MAP4K4: variants seen among roughly 807,000 people sequenced by gnomAD.
The protein encoded by MAP4K4 is mitogen-activated protein kinase kinase kinase kinase 4.
MAP4K4 carries 38 observed loss-of-function variants against 189.6 expected under a neutral mutation model. That is an observed-to-expected ratio of 0.20 (90% CI 0.15 to 0.26). The LOEUF (loss-of-function observed/expected upper bound fraction) is 0.26. Among genes scored for constraint, MAP4K4 ranks in the 10% least tolerant of loss-of-function variants. The probability of loss-of-function intolerance (pLI) is 1.00; values close to 1 mark genes in which losing one functional copy is unlikely to be tolerated. For missense variants in MAP4K4, 1,054 were observed against 1,726.9 expected (o/e 0.61, Z 6.91); for synonymous variants, 610 against 624.3 (o/e 0.98, Z 0.34).
intron 14 of MAP4K4, among the ~76,000 whole-genome samples, chr2:101,859,377 T>G (rs6543099): frequency 6.6e-6 from 1 of 152,212 alleles, no homozygotes; most frequent in African/African-American, 2.4e-5. Context: ...AAAGCACATG[T>G]CACAGGATTT....
At chr2:101,850,116 A>G (rs1020652585) in intron 12 of MAP4K4, among the ~76,000 whole-genome samples, 1 of 152,166 alleles carries the variant, frequency 6.6e-6, no homozygotes, top group East Asian at 1.9e-4. Context: ...AACTAAGGGT[A>G]AATGTTAGTG....
intron 2 of MAP4K4, among the ~76,000 whole-genome samples, chr2:101,764,146 A>T (rs1019456681): frequency 6.7e-6 from 1 of 148,810 alleles, no homozygotes; most frequent in Admixed American, 6.6e-5. Flanking sequence ...AAACACCGAG[A>T]TGCTAAAAAA....
intron 2 of MAP4K4, among the ~76,000 whole-genome samples, chr2:101,780,109 T>C (rs1340177270): frequency 6.6e-6 from 1 of 152,204 alleles, no homozygotes; most frequent in Non-Finnish European, 1.5e-5. Context: ...TATACGTAGG[T>C]TCACGGGCAG....
chr2:101,851,269 T>C (rs138569025), intron 12 of MAP4K4, among the ~76,000 whole-genome samples: 9 of 152,214 alleles, frequency 5.9e-5, no homozygotes, highest in Non-Finnish European at 1.2e-4. Context: ...TTCTGTCTGT[T>C]TGATTTTATT....
chr2:101,753,330 G>A (rs547736958), intron 2 of MAP4K4, among the ~76,000 whole-genome samples: 3 of 152,192 alleles, frequency 2.0e-5, no homozygotes, highest in Non-Finnish European at 4.4e-5. Flanking sequence ...CTTTTCCCTT[G>A]CCTACCCCAT....
At chr2:101,891,933 G>A (rs141366393) in exon 33 of MAP4K4, 1 of 113,662 alleles carries the variant, frequency 8.8e-6, no homozygotes, top group East Asian at 2.9e-4. Flanking sequence ...TCCTGGCCAA[G>A]AACTCAGTCA....
chr2:101,794,244 C>A (rs2093389253), intron 3 of MAP4K4, among the ~76,000 whole-genome samples: 2 of 152,074 alleles, frequency 1.3e-5, no homozygotes, highest in Non-Finnish European at 2.9e-5. Context: ...ATAGGGAGGT[C>A]TCATGTACCG....
At chr2:101,853,227 C>G (rs763315224) in intron 12 of MAP4K4, among the ~76,000 whole-genome samples, 5 of 152,066 alleles carry the variant, frequency 3.3e-5, no homozygotes, top group Admixed American at 6.6e-5. Context: ...GCCAAGATTA[C>G]CAGACACTGA....
chr2:101,732,280 C>G (rs2058771212), intron 2 of MAP4K4, among the ~76,000 whole-genome samples: 1 of 152,112 alleles, frequency 6.6e-6, no homozygotes, highest in African/African-American at 2.4e-5. Flanking sequence ...CCTTTGAGAA[C>G]TGATTACCCC....
chr2:101,718,922 A>G (rs891871950), intron 2 of MAP4K4, among the ~76,000 whole-genome samples: 7 of 152,198 alleles, frequency 4.6e-5, no homozygotes, highest in African/African-American at 1.7e-4. Flanking sequence ...AGTTCACTGG[A>G]ACACAGCTGC....
intron 11 of MAP4K4, 37 bp from the exon 12 acceptor site, chr2:101,844,064 C>A: frequency 2.1e-6 from 3 of 1,448,718 alleles, no homozygotes; most frequent in South Asian, 2.4e-5. Context: ...ACAGTGTGAT[C>A]GGTGCACACC....
chr2:101,725,090 A>G (rs1490237408), intron 2 of MAP4K4, among the ~76,000 whole-genome samples: 2 of 152,226 alleles, frequency 1.3e-5, no homozygotes, highest in Non-Finnish European at 2.9e-5. Context: ...TGTTTCTCAC[A>G]TGGATGACAT....
chr2:101,806,049 C>T (rs1559007311), intron 3 of MAP4K4, among the ~76,000 whole-genome samples: 1 of 152,148 alleles, frequency 6.6e-6, no homozygotes. Context: ...CGTTCTTGCC[C>T]CACCCCACCC....
chr2:101,756,241 G>A lies in MAP4K4; in HGVS notation c.124-34479G>A, dbSNP rs1017067219. 2.6e-5 allele frequency among the ~76,000 whole-genome samples: 4 copies of A among 152,034 alleles called. No homozygotes were observed. The East Asian group carries it at 7.7e-4, about 29-fold the overall frequency. Reference sequence around the variant, plus strand: ...TTAACAGGCGTGAGCCACTGTGCCCGGCTGACACCTTGATCTTAATGAAGT... The same window carrying A: ...TTAACAGGCGTGAGCCACTGTGCCCAGCTGACACCTTGATCTTAATGAAGT... On this transcript the variant is annotated intron_variant, in intron 2 of 32. Coordinates refer to ENST00000324219, the Ensembl canonical transcript of MAP4K4.
chr2:101,704,658 T>C (rs1354740349), intron 2 of MAP4K4, among the ~76,000 whole-genome samples: 3 of 140,420 alleles, frequency 2.1e-5, no homozygotes, highest in Admixed American at 7.4e-5. Flanking sequence ...CTGCAAGCTC[T>C]GCCTCCCAGG....
At chr2:101,763,031 A>G (rs1396156246) in intron 2 of MAP4K4, among the ~76,000 whole-genome samples, 1 of 152,126 alleles carries the variant, frequency 6.6e-6, no homozygotes, top group Non-Finnish European at 1.5e-5. Flanking sequence ...TCTAGCTGCA[A>G]AGGGCCCCAG....
intron 3 of MAP4K4, among the ~76,000 whole-genome samples, chr2:101,800,677 T>C (rs1213741224): frequency 2.0e-5 from 3 of 152,192 alleles, no homozygotes; most frequent in Admixed American, 1.3e-4. Flanking sequence ...ATGTATACCA[T>C]GGTTTGTAGG....
At chr2:101,840,351 GT>G (rs1185215359) in intron 10 of MAP4K4, among the ~76,000 whole-genome samples, 1 of 152,134 alleles carries the variant, frequency 6.6e-6, no homozygotes, top group African/African-American at 2.4e-5. Flanking sequence ...CCATCAGTGT[GT>G]TTCTGTATAA....
chr2:101,726,289 G>A (rs2055341328), intron 2 of MAP4K4, among the ~76,000 whole-genome samples: 1 of 152,202 alleles, frequency 6.6e-6, no homozygotes, highest in African/African-American at 2.4e-5. Flanking sequence ...GAATTTTGAT[G>A]ACTGCTTCTG....
Sources: gnomAD v4.1 joint callset for allele counts (sites outside exome capture counted in the v4.1 genomes callset) on GRCh38, gnomAD v4.1.1 for gene constraint, MANE v1.5 for transcripts, NCBI Gene and HGNC (gene_info 2026-07-23, HGNC 2026-07-21) for gene names.